ASPM: variants seen among roughly 807,000 people sequenced by gnomAD.
ASPM encodes assembly factor for spindle microtubules, also known as abnormal spindle-like microcephaly-associated protein.
A neutral mutation model predicts 366.4 loss-of-function variants in ASPM; 256 were observed. The ratio of observed to expected loss-of-function variants is 0.70; its 90% confidence interval spans 0.63 to 0.77. The LOEUF is 0.77. Ranked by LOEUF, ASPM falls within the 30% of genes least tolerant of loss-of-function variation. ASPM has a pLI of 0.00. For missense variants in ASPM, 4,146 were observed against 4,090.4 expected (o/e 1.01, Z -0.37); for synonymous variants, 1,414 against 1,342.9 (o/e 1.05, Z -1.16).
chr1:197,146,514 C>A lies in ASPM; in HGVS notation c.-77G>T. The A allele has an allele frequency of 6.6e-7, 1 of 1,526,154 alleles. No individual in the cohort carries two copies. The highest frequency in any genetic ancestry group is 2.3e-5 in the East Asian group (1 of 43,750). 94.5% of individuals were successfully genotyped at this position (1,526,154 alleles called of 1,614,324 possible). The stretch of plus-strand genomic sequence containing the variant: ...CTCCGGAGCGGGGATCCGGGACTTA[C>A]GCTGACCGCTTCCCCTCAGGGGCGG... On this transcript the variant is annotated 5_prime_UTR_variant, in exon 1 of 28. Coordinates refer to ENST00000367409, the MANE Select transcript of ASPM (RefSeq NM_018136.5).
chr1:197,100,369 C>G (rs1657111954), intron 18 of ASPM, 62 bp downstream of exon 18: 1 of 1,149,530 alleles, frequency 8.7e-7, no homozygotes. Flanking sequence ...TTTATACATT[C>G]TAACAAATAT....
intron 1 of ASPM, among the ~76,000 whole-genome samples, chr1:197,145,473 GT>G (rs1308168923): frequency 6.6e-6 from 1 of 151,448 alleles, no homozygotes; most frequent in Admixed American, 6.6e-5. Flanking sequence ...CTCTGAATAG[GT>G]TTTTTTGGTT....
Position 197,133,567 on chromosome 1 carries a change from T to C in ASPM, c.2202A>G (p.Ile734Met). The change falls in exon 6 of 28, where the codon ATA becomes ATG. Residue 734 changes from isoleucine to methionine, a missense_variant. Around this residue, in one of 3 missense-constraint regions of ASPM, gnomAD observed 3,624 missense variants for 3,591.7 expected, o/e 1.01. Transcript: ENST00000367409. ...GAACACTTATTTTATGTTGATTCTC[T>C]ATTCCCAAAAGAAGAGTAGCAGCAT... ...EVNAATLLLG[I>M]ENQHKISVPR... 6.2e-7 allele frequency: 1 copy of C among 1,613,360 alleles called. No homozygotes were observed. The highest frequency in any genetic ancestry group is 8.5e-7 in the Non-Finnish European group (1 of 1,179,346).
chr1:197,103,265 C>G lies in ASPM; in HGVS notation c.5986G>C (p.Ala1996Pro). 6.2e-7 allele frequency: 1 copy of G among 1,612,844 alleles called. No homozygotes were observed. ...TAATACTTTTGAATCAGAAGAGCAG[C>G]TTTTTTCATGATTTTCCACTTCTTT... ...QQKKWKIMKKAALLIQKYYRA... is the reference protein window; with the variant it reads ...QQKKWKIMKKPALLIQKYYRA... The change falls in exon 18 of 28, where the codon GCT (alanine) becomes CCT (proline). Residue 1996 changes from alanine (A) to proline (P), a missense_variant. By Grantham distance (27) the Ala-to-Pro change is conservative. This residue lies in a region of ASPM where 3,624 missense variants were observed against 3,591.7 expected (regional missense o/e 1.01). Coordinates refer to ENST00000367409, the MANE Select transcript of ASPM (RefSeq NM_018136.5).
rs886045768 is a variant in ASPM at position 197,102,286 on chromosome 1, T to G, written c.6965A>C (p.Tyr2322Ser). 35 of 1,612,748 alleles carry G rather than the reference T, an allele frequency of 2.2e-5. No individual in the cohort carries two copies. Among genetic ancestry groups the G allele is most frequent in the Non-Finnish European group, 2.7e-5 (32 of 1,179,306 alleles). ...QNAVIKIQSS[Y>S]RRWMIRKRMR... Reference sequence around the variant, plus strand: ...CCTTTTCCTTATCATCCATCTTCTGTATGATGACTGGATTTTAATAACTGC... The same window carrying G: ...CCTTTTCCTTATCATCCATCTTCTGGATGATGACTGGATTTTAATAACTGC... The change falls in exon 18 of 28, where the codon TAC becomes TCC. Residue 2322 changes from tyrosine to serine, a missense_variant. By Grantham distance (144) the Tyr-to-Ser change is moderately radical. This residue lies in a region of ASPM where 3,624 missense variants were observed against 3,591.7 expected (regional missense o/e 1.01). Coordinates refer to ENST00000367409, the MANE Select transcript of ASPM (RefSeq NM_018136.5).
chr1:197,103,414 T>C lies in ASPM; in HGVS notation c.5837A>G (p.Glu1946Gly). Residue 1946 changes from glutamate (E) to glycine (G), a missense_variant, in exon 18 of 28, where the codon GAA becomes GGA. Glu to Gly is a moderately conservative substitution (Grantham distance 98). Transcript: ENST00000367409. ...AGRKQCMEYI[E>G]LRHAVLVLQS... ...AAGCACCAGTACCGCATGACGGAGT[T>C]CAATATACTCCATACATTGCTTCCT... is the stretch of plus-strand genomic sequence containing the variant. The C allele has an allele frequency of 6.2e-7, 1 of 1,613,196 alleles. No individual in the cohort carries two copies. Among genetic ancestry groups the C allele is most frequent in the African/African-American group, 1.3e-5 (1 of 74,940 alleles).
chr1:197,103,813 C>T lies in ASPM; in HGVS notation c.5438G>A (p.Arg1813Lys). The T allele has an allele frequency of 6.8e-6, 11 of 1,612,992 alleles. No homozygotes were observed. Among genetic ancestry groups the T allele is most frequent in the Non-Finnish European group, 9.3e-6 (11 of 1,179,386 alleles). ...GATTAGCTGGCGTACTTTATAACCT[C>T]TGTAAGCTGCTTGCAAGCAAGTAGC... is the stretch of plus-strand genomic sequence containing the variant. ...KAATCLQAAY[R>K]GYKVRQLIKQ... The change falls in exon 18 of 28, where the codon AGA (arginine) becomes AAA (lysine). Residue 1813 changes from arginine to lysine, a missense_variant. Around this residue, in one of 3 missense-constraint regions of ASPM, gnomAD observed 3,624 missense variants for 3,591.7 expected, o/e 1.01. Transcript: ENST00000367409.
intron 3 of ASPM, 72 bp downstream of exon 3, chr1:197,142,259 C>A (rs911370091): frequency 8.1e-6 from 12 of 1,487,940 alleles, no homozygotes; most frequent in East Asian, 4.5e-5. Flanking sequence ...TTATCAATAG[C>A]AGATTTACTA....
intron 17 of ASPM, among the ~76,000 whole-genome samples, chr1:197,109,751 T>A (rs566304998): frequency 1.1e-4 from 17 of 152,156 alleles, no homozygotes; most frequent in African/African-American, 2.9e-4. Flanking sequence ...TGAGTTTTTT[T>A]AACAGGATTA....
chr1:197,122,096 C>G, intron 15 of ASPM, 53 bp from the exon 16 acceptor site: 1 of 1,600,582 alleles, frequency 6.2e-7, no homozygotes, highest in Non-Finnish European at 8.6e-7. Context: ...GAATACAGTA[C>G]TTACTATCAT....
In ASPM at chr1:197,103,915, A is replaced by G; in HGVS notation, c.5336T>C (p.Ile1779Thr). The G allele has an allele frequency of 6.2e-7, 1 of 1,612,836 alleles. No homozygotes were observed. The highest frequency in any genetic ancestry group is 8.5e-7 in the Non-Finnish European group (1 of 1,179,350). The change falls in exon 18 of 28, where the codon ATT becomes ACT. Residue 1779 changes from isoleucine (I) to threonine (T), a missense_variant. Ile to Thr is a moderately conservative substitution (Grantham distance 89). Around this residue, in one of 3 missense-constraint regions of ASPM, gnomAD observed 3,624 missense variants for 3,591.7 expected, o/e 1.01. Coordinates refer to ENST00000367409, the MANE Select transcript of ASPM (RefSeq NM_018136.5). ...QYYLKMYKAI[I>T]VIQNYYHAYK... ...TGCATGATAGTAATTCTGAATGACAATAATTGCTTTATACATTTTCAGATA... is the reference window on the plus strand; with the variant it reads ...TGCATGATAGTAATTCTGAATGACAGTAATTGCTTTATACATTTTCAGATA...
chr1:197,085,456 C>T (rs2125085682), intron 27 of ASPM, among the ~76,000 whole-genome samples: 1 of 152,154 alleles, frequency 6.6e-6, no homozygotes, highest in African/African-American at 2.4e-5. Context: ...ACATAATTCC[C>T]TACTATATGC....
intron 13 of ASPM, 147 bp downstream of exon 13, chr1:197,123,963 G>A: frequency 1.5e-6 from 1 of 678,188 alleles, no homozygotes; most frequent in South Asian, 1.9e-5. Context: ...TACAGTGTAT[G>A]ATAAAACATT....
At chr1:197,125,821 C>A (rs1658075255) in intron 10 of ASPM, among the ~76,000 whole-genome samples, 1 of 152,048 alleles carries the variant, frequency 6.6e-6, no homozygotes. Context: ...CAAACCCCAA[C>A]TGATTTCTGT....
intron 3 of ASPM, among the ~76,000 whole-genome samples, chr1:197,142,095 C>G (rs568623280): frequency 5.3e-5 from 8 of 152,180 alleles, no homozygotes; most frequent in African/African-American, 1.7e-4. Flanking sequence ...AGGTATGTTC[C>G]TTACTATCAA....
Position 197,117,910 on chromosome 1 carries a change from C to G in ASPM, c.3944G>C (p.Arg1315Thr). ...NFLAKQRLRKRVNAALVIQKY... is the reference protein window; with the variant it reads ...NFLAKQRLRKTVNAALVIQKY... ...CTGAATGACGAGTGCTGCATTAACT[C>G]TTTTTCTCAATCTTTGTTTTGCTAG... The change falls in exon 17 of 28, where the codon AGA becomes ACA. Residue 1315 changes from arginine to threonine, a missense_variant. Arg to Thr is a moderately conservative substitution (Grantham distance 71). Transcript: ENST00000367409. 6.2e-7 allele frequency: 1 copy of G among 1,613,514 alleles called. No homozygotes were observed. The highest frequency in any genetic ancestry group is 8.5e-7 in the Non-Finnish European group (1 of 1,179,588).
Position 197,102,671 on chromosome 1 carries a change from T to C in ASPM, c.6580A>G (p.Thr2194Ala), listed in dbSNP as rs779727652. The change falls in exon 18 of 28, where the codon ACA becomes GCA. Residue 2194 changes from threonine (T) to alanine (A), a missense_variant. Thr to Ala is a moderately conservative substitution (Grantham distance 58). This residue lies in a region of ASPM where 3,624 missense variants were observed against 3,591.7 expected (regional missense o/e 1.01). Transcript: ENST00000367409. ...RTLRKMQTAATLIQSNYRRYR... is the reference protein window; with the variant it reads ...RTLRKMQTAAALIQSNYRRYR... ...CTTCTGTAGTTTGACTGAATGAGTG[T>C]TGCTGCAGTCTGCATCTTTCTAAGA... 1 of 1,612,788 alleles carries C rather than the reference T, an allele frequency of 6.2e-7. No homozygotes were observed. The highest frequency in any genetic ancestry group is 8.5e-7 in the Non-Finnish European group (1 of 1,179,272).
chr1:197,105,028 A>G lies in ASPM; in HGVS notation c.4223T>C (p.Leu1408Ser). Residue 1408 changes from leucine (L) to serine (S), a missense_variant, in exon 18 of 28, where the codon TTA (leucine) becomes TCA (serine). This residue lies in a region of ASPM where 3,624 missense variants were observed against 3,591.7 expected (regional missense o/e 1.01). Coordinates refer to ENST00000367409, the MANE Select transcript of ASPM (RefSeq NM_018136.5). ...TCTTTGTTGATCTTGTTTTCTTCTTAAATAAGCACGCCAATGCCTCTGAAT... is the reference window on the plus strand; with the variant it reads ...TCTTTGTTGATCTTGTTTTCTTCTTGAATAAGCACGCCAATGCCTCTGAAT... ...VTIQRHWRAY[L>S]RRKQDQQRYE... The G allele has an allele frequency of 6.2e-7, 1 of 1,610,678 alleles. No homozygotes were observed.
intron 21 of ASPM, 45 bp from the exon 22 acceptor site, chr1:197,092,101 GTTAATCAAT>G: frequency 6.3e-7 from 1 of 1,594,678 alleles, no homozygotes; most frequent in African/African-American, 1.3e-5. Flanking sequence ...TGCCTCCTAA[GTTAATCAAT>G]GAGTGTTTTT....
Sources: allele counts gnomAD v4.1 joint callset (sites outside exome capture counted in the v4.1 genomes callset), GRCh38; gene constraint gnomAD v4.1.1; regional missense constraint gnomAD v4.1.1; transcripts MANE v1.5; gene names NCBI Gene and HGNC (gene_info 2026-07-23, HGNC 2026-07-21).